FBN2: variants seen among roughly 807,000 people sequenced by gnomAD.
The protein encoded by FBN2 is fibrillin 2.
In FBN2, 105 loss-of-function variants were observed where a neutral mutation model predicts 355.6. The observed-to-expected ratio is 0.30, with a 90% CI of 0.25 to 0.35. FBN2 has a LOEUF of 0.35. FBN2 is among the 10% of genes least tolerant of loss of function. The probability of loss-of-function intolerance (pLI) is 1.00; values close to 1 mark genes in which losing one functional copy is unlikely to be tolerated. For synonymous variants in FBN2, 1,350 were observed against 1,301.2 expected (o/e 1.04, Z -0.81); for missense variants, 3,280 against 3,758.7 (o/e 0.87, Z 3.33).
At chr5:128,486,599 T>C (rs139897429) in intron 5 of FBN2, among the ~76,000 whole-genome samples, 1 of 152,312 alleles carries the variant, frequency 6.6e-6, no homozygotes, top group Non-Finnish European at 1.5e-5. Flanking sequence ...AGTAGACTTC[T>C]TACAAGAACT....
intron 5 of FBN2, among the ~76,000 whole-genome samples, chr5:128,469,075 A>T (rs1053174110): frequency 2.0e-5 from 3 of 152,102 alleles, no homozygotes; most frequent in Non-Finnish European, 2.9e-5. Context: ...GGCTCTGGAG[A>T]TGTAACAGTG....
At chr5:128,435,338 G>T (rs1753745933) in intron 7 of FBN2, among the ~76,000 whole-genome samples, 1 of 152,124 alleles carries the variant, frequency 6.6e-6, no homozygotes, top group Non-Finnish European at 1.5e-5. Context: ...ATATGCTCTA[G>T]TAAGTCAACT....
At chr5:128,498,046 C>T (rs1437251791) in intron 5 of FBN2, among the ~76,000 whole-genome samples, 1 of 152,162 alleles carries the variant, frequency 6.6e-6, no homozygotes, top group African/African-American at 2.4e-5. Context: ...AGGAGAGAGG[C>T]ATGGCAGAGC....
chr5:128,343,941 A>G (rs1178381620), intron 25 of FBN2, among the ~76,000 whole-genome samples: 1 of 152,184 alleles, frequency 6.6e-6, no homozygotes, highest in Non-Finnish European at 1.5e-5. Flanking sequence ...AATTTAAAAA[A>G]TTTACAGAGC....
chr5:128,345,629 C>A, intron 23 of FBN2, 45 bp from the exon 24 acceptor site: 1 of 1,522,962 alleles, frequency 6.6e-7, no homozygotes, highest in South Asian at 1.1e-5. Flanking sequence ...GTTGAAACAT[C>A]CATTGAACAG....
intron 19 of FBN2, among the ~76,000 whole-genome samples, chr5:128,361,364 C>G (rs1270567316): frequency 6.6e-6 from 1 of 152,122 alleles, no homozygotes; most frequent in Non-Finnish European, 1.5e-5. Flanking sequence ...ATTCAGGTTC[C>G]TACATTAATG....
chr5:128,337,526 C>T (rs1481368682), intron 27 of FBN2, among the ~76,000 whole-genome samples: 1 of 152,186 alleles, frequency 6.6e-6, no homozygotes, highest in Non-Finnish European at 1.5e-5. Flanking sequence ...GGCAGCCCTA[C>T]AGAGCTCAGG....
rs576868015 is a variant in FBN2, at chr5:128,489,059, C to G, written c.629-24138G>C. 1.3e-3 allele frequency among the ~76,000 whole-genome samples: 194 copies of G among 152,032 alleles called. 1 individual carries two copies. The highest frequency in any genetic ancestry group is 1.9e-3 in the Non-Finnish European group (132 of 67,992). On this transcript the variant is annotated intron_variant, in intron 5 of 64. Transcript: ENST00000262464. ...TCAAATGGTATTTCTAGTTCTAGAT[C>G]CCTGAGGAATCGCCGCACTGACTTC...
intron 5 of FBN2, among the ~76,000 whole-genome samples, chr5:128,496,458 G>A (rs1755657631): frequency 6.6e-6 from 1 of 151,930 alleles, no homozygotes; most frequent in Non-Finnish European, 1.5e-5. Flanking sequence ...AAAAGAACAA[G>A]TTTCATAATA....
At chr5:128,336,186 A>C in intron 27 of FBN2, 73 bp from the exon 28 acceptor site, 1 of 1,465,962 alleles carries the variant, frequency 6.8e-7, no homozygotes, top group Non-Finnish European at 9.5e-7. Flanking sequence ...GTGCTTCACC[A>C]GAGCAGTGGT....
chr5:128,282,793 G>T (rs964929356), intron 55 of FBN2, among the ~76,000 whole-genome samples: 1 of 151,828 alleles, frequency 6.6e-6, no homozygotes, highest in African/African-American at 2.4e-5. Context: ...GTCAATTATC[G>T]ACCTTTCCAT....
intron 5 of FBN2, among the ~76,000 whole-genome samples, chr5:128,479,341 T>A (rs981049574): frequency 2.2e-4 from 34 of 152,192 alleles, no homozygotes; most frequent in African/African-American, 7.7e-4. Context: ...TAGGCCTTTA[T>A]CAGCAATGCA....
intron 34 of FBN2, 38 bp from the exon 35 acceptor site, chr5:128,319,039 A>G: frequency 6.5e-7 from 1 of 1,533,210 alleles, no homozygotes. Flanking sequence ...TTATTTAAGA[A>G]GACATTTTAA....
In FBN2 at chr5:128,435,510, T is replaced by C. The variant is rs3828663; in HGVS notation, c.952+10971A>G. 5.9e-5 allele frequency among the ~76,000 whole-genome samples: 9 copies of C among 152,292 alleles called. No homozygotes were observed. The East Asian group carries it at 1.5e-3, about 26-fold the overall frequency. ...CCAAAGTGTCAAATGCTTTATATGT[T>C]ATGCATAAAAACCTTAAGCAGAAAA... On this transcript the variant is annotated intron_variant, in intron 7 of 64. Transcript: ENST00000262464.
At chr5:128,416,177 C>T (rs1167504445) in intron 7 of FBN2, among the ~76,000 whole-genome samples, 1 of 152,090 alleles carries the variant, frequency 6.6e-6, no homozygotes, top group African/African-American at 2.4e-5. Flanking sequence ...AGGCATGTAC[C>T]ATCACACCCA....
intron 48 of FBN2, among the ~76,000 whole-genome samples, chr5:128,297,884 G>A (rs1411381627): frequency 1.3e-5 from 2 of 150,902 alleles, no homozygotes; most frequent in African/African-American, 4.9e-5. Flanking sequence ...TCATTATGAC[G>A]TTAGCTGGTT....
Position 128,537,688 on chromosome 5 carries a change from G to T in FBN2, c.-85C>A. 7.4e-7 allele frequency: 1 copy of T among 1,360,496 alleles called. No individual in the cohort carries two copies. The highest frequency in any genetic ancestry group is 1.0e-6 in the Non-Finnish European group (1 of 978,660). 84.3% of individuals were successfully genotyped at this position (1,360,496 alleles called of 1,614,324 possible). ...TCTGCGCGCCTCAGAAAAGAGTCAG[G>T]GTCTAATAAGCCCTTCGTCGGCTCC... On this transcript the variant is annotated 5_prime_UTR_variant, in exon 1 of 65. Coordinates refer to ENST00000262464, the MANE Select transcript of FBN2 (RefSeq NM_001999.4).
intron 41 of FBN2, 119 bp downstream of exon 41, chr5:128,309,128 T>C: frequency 9.7e-7 from 1 of 1,029,254 alleles, no homozygotes. Flanking sequence ...ATGATGCTCT[T>C]GGGAATTTTT....
chr5:128,289,035 C>G, intron 52 of FBN2, 92 bp downstream of exon 52: 2 of 1,322,170 alleles, frequency 1.5e-6, no homozygotes, highest in Non-Finnish European at 2.2e-6. Flanking sequence ...TTTGTAAATC[C>G]CCCCATCACC....
Sources: allele counts gnomAD v4.1 joint callset (sites outside exome capture counted in the v4.1 genomes callset), GRCh38; gene constraint gnomAD v4.1.1; transcripts MANE v1.5; gene names NCBI Gene and HGNC (gene_info 2026-07-23, HGNC 2026-07-21).